Variants in LMNTD2 observed in about 807,000 individuals in gnomAD.
LMNTD2 encodes the protein lamin tail domain containing 2.
Under a neutral mutation model 70.1 loss-of-function variants are expected in LMNTD2, and 83 were observed. The ratio of observed to expected loss-of-function variants is 1.18; its 90% CI spans 0.99 to 1.42. The LOEUF is 1.42. Among genes scored for constraint, LMNTD2 ranks in the 40% most tolerant of loss-of-function variants. The pLI, the probability that LMNTD2 is intolerant of heterozygous loss-of-function variation, is 0.00. For missense variants in LMNTD2, 1,153 were observed against 905.9 expected, an observed-to-expected ratio of 1.27 and a Z score of -3.50; for synonymous variants, 534 against 406.1, an observed-to-expected ratio of 1.31 and a Z score of -3.79.
At chr11:556,810 C>G (rs1220961282) in intron 8 of LMNTD2, 25 bp downstream of exon 8, 2 of 1,531,294 alleles carry the variant, frequency 1.3e-6, no homozygotes, top group Non-Finnish European at 8.8e-7. Flanking sequence ...TGAAGGGTAA[C>G]CAGGGGAGAC....
chr11:560,566 C>A, intron 1 of LMNTD2, 117 bp downstream of exon 1: 4 of 1,284,708 alleles, frequency 3.1e-6, no homozygotes, highest in Non-Finnish European at 3.0e-6. Context: ...GGCCCCGCTG[C>A]CCCTGGACGC....
At position 556,025 on chromosome 11, in the gene LMNTD2, C is replaced by G. The variant is rs1852842668; in HGVS notation, c.1348G>C (p.Ala450Pro). The G allele has an allele frequency of 6.4e-7, 1 of 1,556,966 alleles. No individual in the cohort carries two copies. The highest frequency in any genetic ancestry group is 8.6e-7 in the Non-Finnish European group (1 of 1,161,976). The stretch of plus-strand genomic sequence containing the variant: ...CCCTTGGGGCTCAGGAGCAGCGTCG[C>G]GCAGCCGCGGATGGAGAGGAGGGGA... The part of the protein sequence containing the change: ...PVPLLSIRGC[A>P]TLLLSPKGEV... The change falls in exon 11 of 14, where the codon GCG (alanine) becomes CCG (proline). Residue 450 changes from alanine to proline, a missense_variant. Ala to Pro is a conservative substitution (Grantham distance 27). Transcript: ENST00000329451.
Position 557,001 on chromosome 11 carries a change from C to T in LMNTD2, c.810G>A (p.Leu270=), listed in dbSNP as rs745459880. The change falls in exon 8 of 14, where the codon CTG becomes CTA. Residue 270 remains leucine, a synonymous_variant. Coordinates refer to ENST00000329451, the MANE Select transcript of LMNTD2 (RefSeq NM_173573.3). The stretch of plus-strand genomic sequence containing the variant: ...CTGAGCTGCTGGTGTTCAGACAGGG[C>T]AGGGAGCCCCACTCCACGGTCTTGT... The part of the protein sequence containing the change: ...RHHKTVEWGS[L]PCLNTSSSGG... The T allele has an allele frequency of 1.5e-5, 24 of 1,608,384 alleles. 1 individual carries two copies. The South Asian group carries it at 2.4e-4, about 16-fold the overall frequency.
rs76495701 is a variant in LMNTD2, at chr11:557,660, G to A, written c.556-20C>T. The A allele has an allele frequency of 2.4e-4, 391 of 1,613,084 alleles. No individual in the cohort carries two copies. The African/African-American group carries it at 4.5e-3, about 19-fold the overall frequency. On this transcript the variant is annotated intron_variant, in intron 5 of 13. Coordinates refer to ENST00000329451, the MANE Select transcript of LMNTD2 (RefSeq NM_173573.3). ...CACTACCTGCAAGAGGGGACCGGAA[G>A]CCAGTGGGCAGGGGCTGGGTGCTCC...
chr11:559,298 C>T (rs767278151), intron 1 of LMNTD2: 5 of 1,435,394 alleles, frequency 3.5e-6, no homozygotes, highest in Non-Finnish European at 4.7e-6. Context: ...TGGTGTCCCT[C>T]TTTCTCTCTC....
At chr11:555,963 G>A in intron 11 of LMNTD2, 33 bp from the exon 12 acceptor site, 1 of 1,550,388 alleles carries the variant, frequency 6.4e-7, no homozygotes, top group Non-Finnish European at 8.6e-7. Context: ...CCACACCCCA[G>A]CCCCGGCCGC....
In LMNTD2 at chr11:556,244, C is replaced by G; in HGVS notation, c.1205G>C (p.Arg402Pro). The change falls in exon 10 of 14, where the codon CGC becomes CCC. Residue 402 changes from arginine (R) to proline (P), a missense_variant. Physicochemically the swap from Arg to Pro is moderately radical, Grantham distance 103. Coordinates refer to ENST00000329451, the MANE Select transcript of LMNTD2 (RefSeq NM_173573.3). ...LKQLVRGFPERLYRFPPGTLL... is the reference protein window; with the variant it reads ...LKQLVRGFPEPLYRFPPGTLL... ...CGTGCCCGGCGGGAAGCGGTACAGG[C>G]GCTCCGGGAAGCCGCGCACCAGCTG... The G allele has an allele frequency of 6.5e-7, 1 of 1,528,562 alleles. No individual in the cohort carries two copies. Among genetic ancestry groups the G allele is most frequent in the Non-Finnish European group, 8.7e-7 (1 of 1,143,674 alleles). The allele number at this position is 1,528,562 out of a possible 1,614,324, so 94.7% of individuals were successfully genotyped here.
At position 555,152 on chromosome 11, in the gene LMNTD2, G is replaced by T. The variant is rs1852716505; in HGVS notation, c.1774-41C>A. 7 of 646,326 alleles carry T rather than the reference G, an allele frequency of 1.1e-5. No homozygotes were observed. In the Admixed American group the frequency reaches 3.9e-4, roughly 36 times the overall value. 40.0% of individuals were successfully genotyped at this position (646,326 alleles called of 1,614,324 possible). A position where few individuals can be genotyped will look rare whatever the true frequency, so the allele number is the denominator to read the frequency against. On this transcript the variant is annotated intron_variant, in intron 13 of 13. Coordinates refer to ENST00000329451, the MANE Select transcript of LMNTD2 (RefSeq NM_173573.3). ...GCTGAGAGGCGCGCGGGGCGGGGCG[G>T]GGACGGGAGGGGAGGGGAGGGGAGG...
intron 4 of LMNTD2, 34 bp from the exon 5 acceptor site, chr11:558,073 G>A (rs534237074): frequency 1.9e-6 from 3 of 1,588,574 alleles, no homozygotes; most frequent in Non-Finnish European, 2.6e-6. Context: ...GGTGGTGGGG[G>A]GGTGTCTTCT....
chr11:555,491 C>T lies in LMNTD2; in HGVS notation c.1587G>A (p.Leu529=), dbSNP rs773501230. 2.2e-6 allele frequency: 3 copies of T among 1,365,588 alleles called. No homozygotes were observed. The highest frequency in any genetic ancestry group is 1.5e-5 in the African/African-American group (1 of 66,044). The allele number at this position is 1,365,588 out of a possible 1,614,324, so 84.6% of individuals were successfully genotyped here. ...VSRRRPGTRG[L]LPPVSSGKLF... ...GCTTCCCCGAGCTCACTGGGGGCAG[C>T]AGGCCCCGCGTCCTGGTGGGGCGAG... Residue 529 remains leucine, a synonymous_variant, in exon 13 of 14, where the codon CTG becomes CTA. Coordinates refer to ENST00000329451, the MANE Select transcript of LMNTD2 (RefSeq NM_173573.3).
rs759440828 is a variant in LMNTD2 at position 555,337 on chromosome 11, C to T, written c.1741G>A (p.Asp581Asn). The change falls in exon 13 of 14, where the codon GAC becomes AAC. Residue 581 changes from aspartate (D) to asparagine (N), a missense_variant. Transcript: ENST00000329451. ...CGGTGTTCTTTCTGGAGCCGACAGTCCTCCAGGCCCAGCCCGGCCTCTGCG... is the reference window on the plus strand; with the variant it reads ...CGGTGTTCTTTCTGGAGCCGACAGTTCTCCAGGCCCAGCCCGGCCTCTGCG... The part of the protein sequence containing the change: ...PPAEAGLGLE[D>N]CRLQKEHRVR... 7.0e-6 allele frequency: 10 copies of T among 1,425,604 alleles called. No individual in the cohort carries two copies. Among genetic ancestry groups the T allele is most frequent in the East Asian group, 5.7e-5 (2 of 35,114 alleles). 88.3% of individuals were successfully genotyped at this position (1,425,604 alleles called of 1,614,324 possible).
At position 556,265 on chromosome 11, in the gene LMNTD2, A is replaced by G. The variant is rs1362263262; in HGVS notation, c.1184T>C (p.Leu395Pro). The G allele has an allele frequency of 1.3e-6, 2 of 1,532,220 alleles. No individual in the cohort carries two copies. The highest frequency in any genetic ancestry group is 5.0e-5 in the East Asian group (2 of 40,346). 94.9% of individuals were successfully genotyped at this position (1,532,220 alleles called of 1,614,324 possible). Reference sequence around the variant, plus strand: ...CAGGCGCTCCGGGAAGCCGCGCACCAGCTGCTTCAGCACCATGCCGCTCAG... The same window carrying G: ...CAGGCGCTCCGGGAAGCCGCGCACCGGCTGCTTCAGCACCATGCCGCTCAG... ...ADLSGMVLKQLVRGFPERLYR... is the reference protein window; with the variant it reads ...ADLSGMVLKQPVRGFPERLYR... The change falls in exon 10 of 14, where the codon CTG becomes CCG. Residue 395 changes from leucine to proline, a missense_variant. Coordinates refer to ENST00000329451, the MANE Select transcript of LMNTD2 (RefSeq NM_173573.3).
At position 555,356 on chromosome 11, in the gene LMNTD2, C is replaced by A; in HGVS notation, c.1722G>T (p.Glu574Asp). 2 of 1,423,288 alleles carry A rather than the reference C, an allele frequency of 1.4e-6. No homozygotes were observed. Among genetic ancestry groups the A allele is most frequent in the Non-Finnish European group, 1.8e-6 (2 of 1,091,654 alleles). 88.2% of individuals were successfully genotyped at this position (1,423,288 alleles called of 1,614,324 possible). Residue 574 changes from glutamate (E) to aspartate (D), a missense_variant, in exon 13 of 14, where the codon GAG becomes GAT. Physicochemically the swap from Glu to Asp is conservative, Grantham distance 45 (BLOSUM62 2). Transcript: ENST00000329451. ...GACAGTCCTCCAGGCCCAGCCCGGC[C>A]TCTGCGGGAGGCGACGGCAGGGTGG... ...GDPTLPSPPA[E>D]AGLGLEDCRL...
intron 3 of LMNTD2, 169 bp from the exon 4 acceptor site, chr11:558,417 G>C (rs1222063613): frequency 2.8e-6 from 3 of 1,054,274 alleles, no homozygotes; most frequent in Middle Eastern, 3.1e-4. Context: ...TCTGGACAAG[G>C]GTCTAGCACC....
At position 556,244 on chromosome 11, in the gene LMNTD2, C is replaced by T. The variant is rs367948191; in HGVS notation, c.1205G>A (p.Arg402His). The T allele has an allele frequency of 2.0e-6, 3 of 1,528,446 alleles. No homozygotes were observed. Among genetic ancestry groups the T allele is most frequent in the Admixed American group, 2.0e-5 (1 of 50,546 alleles). 94.7% of individuals were successfully genotyped at this position (1,528,446 alleles called of 1,614,324 possible). The change falls in exon 10 of 14, where the codon CGC (arginine) becomes CAC (histidine). Residue 402 changes from arginine (R) to histidine (H), a missense_variant. By Grantham distance (29) the Arg-to-His change is conservative. Coordinates refer to ENST00000329451, the MANE Select transcript of LMNTD2 (RefSeq NM_173573.3). ...LKQLVRGFPERLYRFPPGTLL... is the reference protein window; with the variant it reads ...LKQLVRGFPEHLYRFPPGTLL... Reference sequence around the variant, plus strand: ...CGTGCCCGGCGGGAAGCGGTACAGGCGCTCCGGGAAGCCGCGCACCAGCTG... The same window carrying T: ...CGTGCCCGGCGGGAAGCGGTACAGGTGCTCCGGGAAGCCGCGCACCAGCTG...
At chr11:556,155 C>T (rs959971866) in intron 10 of LMNTD2, 37 bp downstream of exon 10, 25 of 1,313,718 alleles carry the variant, frequency 1.9e-5, no homozygotes, top group African/African-American at 4.7e-5. Context: ...GCGGCCGGGC[C>T]GGGCCGTCGG....
chr11:556,348 C>CA lies in LMNTD2; in HGVS notation c.1100dup (p.Ser368GlufsTer96). The CA allele has an allele frequency of 6.5e-7, 1 of 1,535,988 alleles. No individual in the cohort carries two copies. Among genetic ancestry groups the CA allele is most frequent in the Non-Finnish European group, 8.7e-7 (1 of 1,146,380 alleles). ...TGCGGACGAACTTCTCCCGGCAGCT[C>CA]ACAGCCACGATCTTCAGGCCTGTCG... On this transcript the variant is annotated frameshift_variant, in exon 10 of 14. Coordinates refer to ENST00000329451, the MANE Select transcript of LMNTD2 (RefSeq NM_173573.3). LOFTEE classifies it high-confidence loss of function.
Position 556,831 on chromosome 11 carries a change from G to T in LMNTD2, c.976+4C>A, listed in dbSNP as rs991412893. On this transcript the variant is annotated splice_donor_region_variant and intron_variant, in intron 8 of 13. Transcript: ENST00000329451. ...GTAACCAGGGGAGACCCGCCCCACT[G>T]CACCTTCTGAGTCCCTGCTGTAGCT... The T allele has an allele frequency of 7.7e-6, 12 of 1,564,300 alleles. No homozygotes were observed. Among genetic ancestry groups the T allele is most frequent in the Non-Finnish European group, 1.0e-5 (12 of 1,152,548 alleles).
chr11:556,143 G>A (rs1187036825), intron 10 of LMNTD2, 28 bp from the exon 11 acceptor site: 3 of 1,328,400 alleles, frequency 2.3e-6, no homozygotes, highest in Non-Finnish European at 2.9e-6. Context: ...GGCGGGTGAG[G>A]GGCGGCCGGG....
Sources: allele counts gnomAD v4.1 joint callset, GRCh38; gene constraint gnomAD v4.1.1; transcripts MANE v1.5; gene names NCBI Gene and HGNC (gene_info 2026-07-23, HGNC 2026-07-21).